CABLES1: variants seen among roughly 807,000 people sequenced by gnomAD.
The protein encoded by CABLES1 is Cdk5 and Abl enzyme substrate 1, also known as CDK5 and ABL1 enzyme substrate 1.
Under a neutral mutation model 57.8 loss-of-function variants are expected in CABLES1, and 36 were observed. The ratio of observed to expected loss-of-function variants is 0.62; its 90% CI spans 0.48 to 0.82. The LOEUF is 0.82. Among genes scored for constraint, CABLES1 ranks in the 40% least tolerant of loss-of-function variants. The pLI is 0.00. For synonymous variants in CABLES1, 374 were observed against 363.0 expected, an observed-to-expected ratio of 1.03 and a Z score of -0.35; for missense variants, 767 against 836.6, an observed-to-expected ratio of 0.92 and a Z score of 1.03.
At chr18:23,174,596 C>G (rs1235215456) in intron 1 of CABLES1, among the ~76,000 whole-genome samples, 1 of 151,596 alleles carries the variant, frequency 6.6e-6, no homozygotes, top group Non-Finnish European at 1.5e-5. Flanking sequence ...CTCAGCCTCC[C>G]GAGTAGCTGG....
At chr18:23,252,490 C>G (rs970732307) in intron 7 of CABLES1, among the ~76,000 whole-genome samples, 5 of 152,178 alleles carry the variant, frequency 3.3e-5, no homozygotes, top group Non-Finnish European at 5.9e-5. Context: ...CAGAAAGCTG[C>G]GTGAAGTAGG....
chr18:23,255,856 C>T (rs931611449), intron 9 of CABLES1, among the ~76,000 whole-genome samples: 56 of 152,154 alleles, frequency 3.7e-4, no homozygotes, highest in African/African-American at 1.2e-3. Context: ...TCACCATACC[C>T]GGCCAAGAAT....
At chr18:23,200,456 G>T (rs535397442) in intron 3 of CABLES1, among the ~76,000 whole-genome samples, 4 of 152,098 alleles carry the variant, frequency 2.6e-5, no homozygotes, top group East Asian at 1.9e-4. Context: ...TAGAGACGGG[G>T]TTTCACCATG....
At chr18:23,256,157 G>A (rs1271910309) in intron 9 of CABLES1, among the ~76,000 whole-genome samples, 1 of 152,224 alleles carries the variant, frequency 6.6e-6, no homozygotes, top group Non-Finnish European at 1.5e-5. Context: ...TGCTCTGTGG[G>A]TAGGATTTAT....
At chr18:23,216,044 A>G (rs1003986296) in intron 4 of CABLES1, among the ~76,000 whole-genome samples, 2 of 152,118 alleles carry the variant, frequency 1.3e-5, no homozygotes, top group South Asian at 2.1e-4. Context: ...GTGAGCCACC[A>G]CGCCCGGCCA....
chr18:23,246,643 G>A (rs552028947), intron 7 of CABLES1, among the ~76,000 whole-genome samples: 8 of 151,576 alleles, frequency 5.3e-5, no homozygotes, highest in East Asian at 1.9e-4. Context: ...CGCCCACCTT[G>A]GCCTCCCAAA....
At chr18:23,231,404 G>C in intron 4 of CABLES1, among the ~76,000 whole-genome samples, 1 of 152,222 alleles carries the variant, frequency 6.6e-6, no homozygotes, top group East Asian at 1.9e-4. Context: ...CGTCATCACA[G>C]GAAGTTCTGT....
intron 3 of CABLES1, among the ~76,000 whole-genome samples, chr18:23,212,661 C>G (rs542295358): frequency 2.1e-4 from 32 of 152,316 alleles, no homozygotes; most frequent in African/African-American, 7.2e-4. Flanking sequence ...CGCACTAAAC[C>G]CCTGCCCGGA....
intron 1 of CABLES1, among the ~76,000 whole-genome samples, chr18:23,181,075 G>A (rs866547841): frequency 1.3e-5 from 2 of 152,130 alleles, no homozygotes; most frequent in African/African-American, 4.8e-5. Flanking sequence ...GGTTGAAGTG[G>A]GACTTCTTGC....
intron 4 of CABLES1, chr18:23,214,763 A>C (rs1033740265): frequency 1.3e-5 from 2 of 152,272 alleles, no homozygotes; most frequent in Non-Finnish European, 2.9e-5. Flanking sequence ...GAAGTCAAGC[A>C]TCATGGGATG....
At chr18:23,195,622 T>TG (rs2047276686) in intron 3 of CABLES1, among the ~76,000 whole-genome samples, 1 of 152,250 alleles carries the variant, frequency 6.6e-6, no homozygotes, top group African/African-American at 2.4e-5. Context: ...TTATAACAGT[T>TG]GCAGTGGTTT....
chr18:23,213,805 G>A (rs766770597), intron 3 of CABLES1, among the ~76,000 whole-genome samples, 172 bp from the exon 4 acceptor site: 9 of 152,222 alleles, frequency 5.9e-5, no homozygotes, highest in Admixed American at 4.6e-4. Flanking sequence ...CTTCTGCCAC[G>A]CTGGGGTTGC....
chr18:23,161,318 G>A (rs2047002354), intron 1 of CABLES1, among the ~76,000 whole-genome samples: 1 of 150,372 alleles, frequency 6.7e-6, no homozygotes, highest in South Asian at 2.1e-4. Context: ...CACTTTACTG[G>A]TGTTTTGTGG....
intron 3 of CABLES1, among the ~76,000 whole-genome samples, chr18:23,199,636 A>G (rs545785362): frequency 1.3e-5 from 2 of 152,338 alleles, no homozygotes; most frequent in South Asian, 2.1e-4. Flanking sequence ...AAATATCCAG[A>G]ATAGTCCATA....
rs1568062508 is a variant in CABLES1, at chr18:23,194,535, T to C, written c.1005T>C (p.Asn335=). 3 of 1,603,652 alleles carry C rather than the reference T, an allele frequency of 1.9e-6. No homozygotes were observed. The highest frequency in any genetic ancestry group is 2.2e-5 in the East Asian group (1 of 44,828). The change falls in exon 3 of 10, where the codon AAT becomes AAC. Residue 335 remains asparagine (N), a synonymous_variant. Transcript: ENST00000256925. The part of the protein sequence containing the change: ...IKNMRQHDTR[N]GRIVLISGRR... ...ACATGCGGCAACACGATACCAGGAA[T>C]GGCAGGTACTACATTCACACAGAAG... is the stretch of plus-strand genomic sequence containing the variant.
intron 4 of CABLES1, among the ~76,000 whole-genome samples, chr18:23,231,418 G>A (rs1035011298): frequency 2.0e-5 from 3 of 152,226 alleles, no homozygotes; most frequent in East Asian, 1.9e-4. Context: ...GTTCTGTTGC[G>A]TGGCACTGGT....
At chr18:23,199,648 A>G (rs1347696731) in intron 3 of CABLES1, among the ~76,000 whole-genome samples, 2 of 152,330 alleles carry the variant, frequency 1.3e-5, no homozygotes, top group Non-Finnish European at 2.9e-5. Flanking sequence ...TAGTCCATAG[A>G]GACAGAAGGT....
rs544093431 is a variant in CABLES1 at position 23,244,769 on chromosome 18, G to A, written c.1446+7524G>A. ...GCGTGGTGTGGAACCAAGGCTTGCAGCGGCTGCATACCTGCCCCAGGTCTT... is the reference window on the plus strand; with the variant it reads ...GCGTGGTGTGGAACCAAGGCTTGCAACGGCTGCATACCTGCCCCAGGTCTT... On this transcript the variant is annotated intron_variant, in intron 7 of 9. Transcript: ENST00000256925. Among the ~76,000 whole-genome samples the A allele has an allele frequency of 3.8e-3, 580 of 152,300 alleles. 4 individuals are homozygous for A. Among genetic ancestry groups the A allele is most frequent in the African/African-American group, 0.013 (557 of 41,546 alleles).
chr18:23,191,638 A>C (rs1318347041), intron 2 of CABLES1, among the ~76,000 whole-genome samples: 1 of 152,222 alleles, frequency 6.6e-6, no homozygotes, highest in Non-Finnish European at 1.5e-5. Context: ...AATTAAGTAT[A>C]TCCTGTAATC....
Sources: gnomAD v4.1 joint callset for allele counts (sites outside exome capture counted in the v4.1 genomes callset) on GRCh38, gnomAD v4.1.1 for gene constraint, MANE v1.5 for transcripts, NCBI Gene and HGNC (gene_info 2026-07-23, HGNC 2026-07-21) for gene names.